HCRTR2: variants seen among roughly 807,000 people sequenced by gnomAD.
HCRTR2 encodes the protein orexin receptor type 2.
In HCRTR2, 22 loss-of-function variants were observed where a neutral mutation model predicts 49.0. The ratio of observed to expected loss-of-function variants is 0.45; its 90% CI spans 0.32 to 0.64. The LOEUF (loss-of-function observed/expected upper bound fraction) is 0.64. Among genes scored for constraint, HCRTR2 ranks in the 30% least tolerant of loss-of-function variants. HCRTR2 has a pLI of 0.04. For missense variants in HCRTR2, 491 were observed against 559.4 expected (o/e 0.88, Z 1.23); for synonymous variants, 236 against 205.3 (o/e 1.15, Z -1.28).
At chr6:55,127,454 A>G (rs903696961) in intron 1 of HCRTR2, among the ~76,000 whole-genome samples, 1 of 152,094 alleles carries the variant, frequency 6.6e-6, no homozygotes. Context: ...GAAATGCAGA[A>G]ATCATCTGCA....
intron 3 of HCRTR2, among the ~76,000 whole-genome samples, chr6:55,257,595 C>A (rs1262714954): frequency 1.4e-5 from 2 of 144,658 alleles, no homozygotes. Flanking sequence ...GTCATGGATT[C>A]CTGTTCAGTT....
rs1403221755 is a variant in HCRTR2, at chr6:55,281,237, C to G, written c.1105+793C>G. On this transcript the variant is annotated intron_variant, in intron 6 of 6. Coordinates refer to ENST00000370862, the MANE Select transcript of HCRTR2 (RefSeq NM_001384272.1). The stretch of plus-strand genomic sequence containing the variant: ...AAGCTTCTGCATCTTCCAACTTGAT[C>G]TTTGGCCTTCTGGTTTGCATAGGTT... Among the ~76,000 whole-genome samples the G allele has an allele frequency of 3.3e-5, 5 of 152,032 alleles. 1 individual carries two copies. The highest frequency in any genetic ancestry group is 5.9e-5 in the Non-Finnish European group (4 of 68,002).
chr6:55,143,592 T>C (rs1764538970), intron 1 of HCRTR2, among the ~76,000 whole-genome samples: 1 of 152,252 alleles, frequency 6.6e-6, no homozygotes, highest in Non-Finnish European at 1.5e-5. Context: ...GCAGCCAAGC[T>C]AATGAAACAT....
chr6:55,185,849 G>C (rs1038352031), intron 1 of HCRTR2, among the ~76,000 whole-genome samples: 3 of 152,146 alleles, frequency 2.0e-5, no homozygotes. Flanking sequence ...AATATTCCTT[G>C]ACAATCTTTC....
chr6:55,196,354 G>C (rs915643602), intron 1 of HCRTR2, among the ~76,000 whole-genome samples: 1 of 152,142 alleles, frequency 6.6e-6, no homozygotes, highest in South Asian at 2.1e-4. Context: ...AGGAAGTATC[G>C]GAGCTTTTGT....
At chr6:55,170,049 G>GA (rs11394115), upstream of HCRTR2, among the ~76,000 whole-genome samples, 149,544 of 149,754 alleles carry the variant, frequency 1, 74,667 homozygotes, top group Middle Eastern at 1. Flanking sequence ...TAACCACCAA[G>GA]AAAAAAAAAT....
chr6:55,166,333 G>T (rs1050083395), intron 1 of HCRTR2, among the ~76,000 whole-genome samples: 4 of 150,894 alleles, frequency 2.7e-5, no homozygotes, highest in Non-Finnish European at 5.9e-5. Context: ...GGGTAATGCT[G>T]TTCTTGTTGA....
At chr6:55,204,132 G>A (rs114333186) in intron 1 of HCRTR2, among the ~76,000 whole-genome samples, 4,127 of 152,138 alleles carry the variant, frequency 0.027, 188 homozygotes, top group African/African-American at 0.094. Context: ...AGGGCTGTGA[G>A]GGCCTAATCT....
chr6:55,229,045 A>AT (rs1450595155), intron 1 of HCRTR2, among the ~76,000 whole-genome samples: 3 of 152,080 alleles, frequency 2.0e-5, no homozygotes, highest in East Asian at 1.9e-4. Flanking sequence ...AAAAGGAGGG[A>AT]TTTTTGCAAA....
At chr6:55,223,057 A>G (rs1765928622) in intron 1 of HCRTR2, among the ~76,000 whole-genome samples, 1 of 152,204 alleles carries the variant, frequency 6.6e-6, no homozygotes, top group African/African-American at 2.4e-5. Flanking sequence ...ATATATCCAT[A>G]TTATCATTTT....
At chr6:55,250,982 A>G (rs544197098) in intron 2 of HCRTR2, among the ~76,000 whole-genome samples, 3 of 152,120 alleles carry the variant, frequency 2.0e-5, no homozygotes, top group Non-Finnish European at 4.4e-5. Flanking sequence ...CACAGGTAAA[A>G]CTAGTATCTC....
chr6:55,164,157 C>T (rs375342940), intron 1 of HCRTR2, among the ~76,000 whole-genome samples: 124 of 152,248 alleles, frequency 8.1e-4, no homozygotes, highest in African/African-American at 2.6e-3. Context: ...GAAATAGGAA[C>T]GCTTTTACAC....
At chr6:55,179,928 C>T (rs2127272185) in intron 1 of HCRTR2, among the ~76,000 whole-genome samples, 1 of 152,276 alleles carries the variant, frequency 6.6e-6, no homozygotes, top group East Asian at 1.9e-4. Context: ...GAAGATCCTT[C>T]CATGTTTCTT....
At chr6:55,229,673 A>G (rs928898646) in intron 1 of HCRTR2, among the ~76,000 whole-genome samples, 2 of 152,200 alleles carry the variant, frequency 1.3e-5, no homozygotes, top group Non-Finnish European at 2.9e-5. Context: ...TACATTAGGT[A>G]TTTGAAATAG....
intron 1 of HCRTR2, among the ~76,000 whole-genome samples, chr6:55,192,920 T>C (rs1252517532): frequency 6.6e-6 from 1 of 152,208 alleles, no homozygotes; most frequent in Non-Finnish European, 1.5e-5. Flanking sequence ...TTTTGGATAA[T>C]GGCTACAAGG....
chr6:55,176,712 T>A (rs962564297), intron 1 of HCRTR2, among the ~76,000 whole-genome samples: 1 of 152,226 alleles, frequency 6.6e-6, no homozygotes, highest in East Asian at 1.9e-4. Context: ...TCCAGAATTC[T>A]CCATTGTTAT....
chr6:55,138,651 A>G (rs1262092971), intron 1 of HCRTR2, among the ~76,000 whole-genome samples: 1 of 152,188 alleles, frequency 6.6e-6, no homozygotes, highest in African/African-American at 2.4e-5. Flanking sequence ...TTAGAGCCAG[A>G]ATTTTTACTG....
At chr6:55,184,013 C>T (rs777904351) in intron 1 of HCRTR2, among the ~76,000 whole-genome samples, 32 of 152,174 alleles carry the variant, frequency 2.1e-4, no homozygotes, top group Non-Finnish European at 3.5e-4. Context: ...CTGCAACCTC[C>T]GCCTTCCAGG....
At chr6:55,144,721 G>A (rs1764556224) in intron 1 of HCRTR2, among the ~76,000 whole-genome samples, 2 of 152,018 alleles carry the variant, frequency 1.3e-5, no homozygotes, top group African/African-American at 2.4e-5. Context: ...AGTACCCCTG[G>A]TCTAGAGGAT....
Sources: allele counts gnomAD v4.1 joint callset (sites outside exome capture counted in the v4.1 genomes callset), GRCh38; gene constraint gnomAD v4.1.1; transcripts MANE v1.5; gene names NCBI Gene and HGNC (gene_info 2026-07-23, HGNC 2026-07-21).